Variants in TUT7 observed in about 807,000 individuals in gnomAD.
TUT7 encodes the protein terminal uridylyl transferase 7, also known as terminal uridylyltransferase 7.
A neutral mutation model predicts 165.9 loss-of-function variants in TUT7; 33 were observed. The ratio of observed to expected loss-of-function variants is 0.20; its 90% CI spans 0.15 to 0.27. The LOEUF is 0.27. Among genes scored for constraint, TUT7 ranks in the 10% least tolerant of loss-of-function variants. The pLI, the probability that TUT7 is intolerant of heterozygous loss-of-function variation, is 1.00. For missense variants in TUT7, 1,338 were observed against 1,762.3 expected (o/e 0.76, Z 4.31); for synonymous variants, 552 against 608.1 (o/e 0.91, Z 1.36).
chr9:86,305,892 T>A (rs1383245819), intron 22 of TUT7, among the ~76,000 whole-genome samples: 1 of 152,184 alleles, frequency 6.6e-6, no homozygotes, highest in African/African-American at 2.4e-5. Flanking sequence ...TAGATAGCTG[T>A]ATATAGGATA....
intron 26 of TUT7, among the ~76,000 whole-genome samples, chr9:86,293,937 G>T (rs1197882213): frequency 1.3e-5 from 2 of 152,052 alleles, no homozygotes; most frequent in Non-Finnish European, 2.9e-5. Flanking sequence ...TAGAGATGGG[G>T]TTTCACCATG....
At position 86,315,585 on chromosome 9, in the gene TUT7, G is replaced by A. The variant is rs1194488339; in HGVS notation, c.3274+1634C>T. On this transcript the variant is annotated intron_variant, in intron 17 of 26. Transcript: ENST00000375963. ...AAACACAAAGTTAAAATCTAGCTCA[G>A]TACTAAAAAATTAATAGTCACGCTA... Among the ~76,000 whole-genome samples the A allele has an allele frequency of 2.6e-5, 4 of 152,254 alleles. 1 individual carries two copies. In the Middle Eastern group the frequency reaches 0.01, roughly 391 times the overall value.
intron 26 of TUT7, among the ~76,000 whole-genome samples, chr9:86,294,295 A>C (rs80039097): frequency 2.3e-5 from 3 of 128,774 alleles, no homozygotes; most frequent in African/African-American, 6.1e-5. Flanking sequence ...AAAAAAAAAA[A>C]CCCAGAGAAG....
intron 17 of TUT7, among the ~76,000 whole-genome samples, chr9:86,316,277 A>C (rs1587914746): frequency 6.6e-6 from 1 of 152,350 alleles, no homozygotes; most frequent in Non-Finnish European, 1.5e-5. Flanking sequence ...CTCTAGAATA[A>C]TTATCCAGTC....
At chr9:86,306,127 T>G (rs1827447305) in intron 22 of TUT7, among the ~76,000 whole-genome samples, 1 of 152,142 alleles carries the variant, frequency 6.6e-6, no homozygotes. Flanking sequence ...CTTCTATTTT[T>G]CACATCCCTA....
chr9:86,320,670 C>A (rs1402606661), intron 14 of TUT7, among the ~76,000 whole-genome samples: 1 of 152,026 alleles, frequency 6.6e-6, no homozygotes, highest in Non-Finnish European at 1.5e-5. Context: ...CAAAGAATGC[C>A]AGCTGGGAAA....
At chr9:86,298,524 T>G (rs574851754) in intron 26 of TUT7, among the ~76,000 whole-genome samples, 1 of 152,306 alleles carries the variant, frequency 6.6e-6, no homozygotes, top group Non-Finnish European at 1.5e-5. Context: ...TTGCCACTCA[T>G]GGGTGGTATA....
At chr9:86,297,470 C>A (rs1237123481) in intron 26 of TUT7, among the ~76,000 whole-genome samples, 2 of 152,194 alleles carry the variant, frequency 1.3e-5, no homozygotes, top group East Asian at 3.8e-4. Context: ...AAAATGAACA[C>A]CTTGGCTACG....
intron 21 of TUT7, 138 bp from the exon 22 acceptor site, chr9:86,308,744 T>G: frequency 1.4e-6 from 1 of 692,558 alleles, no homozygotes; most frequent in Non-Finnish European, 2.3e-6. Flanking sequence ...CTTTCATATT[T>G]AAAAACATAA....
intron 10 of TUT7, among the ~76,000 whole-genome samples, chr9:86,334,392 T>A (rs1050514411): frequency 1.3e-5 from 2 of 152,068 alleles, no homozygotes; most frequent in African/African-American, 4.8e-5. Context: ...ATGGGAGAAA[T>A]TTTTAACCCT....
chr9:86,353,201 GT>G lies in TUT7; in HGVS notation c.-3del. On this transcript the variant is annotated 5_prime_UTR_variant, in exon 2 of 27. Transcript: ENST00000375963. ...ATAAGGTTTTGCTGTATCTCCCATG[GT>G]CTTTGACTTCAATTTTCTTACTTTG... The G allele has an allele frequency of 2.6e-6, 4 of 1,552,202 alleles. No homozygotes were observed. In the South Asian group the frequency reaches 4.9e-5, roughly 19 times the overall value.
rs778736515 is a variant in TUT7, at chr9:86,340,013, TA to T, written c.1208+22del. 6 of 1,600,646 alleles carry T rather than the reference TA, an allele frequency of 3.7e-6. No individual in the cohort carries two copies. In the East Asian group the frequency reaches 6.7e-5, roughly 18 times the overall value. On this transcript the variant is annotated intron_variant, in intron 8 of 26. Transcript: ENST00000375963. ...TTTTGGCAAGTTGAGAGTTAGTAAA[TA>T]AACAGTTTAAAGAAATGAGACCTTT...
intron 11 of TUT7, 75 bp from the exon 12 acceptor site, chr9:86,325,589 C>A: frequency 7.1e-7 from 1 of 1,403,290 alleles, no homozygotes; most frequent in Non-Finnish European, 9.7e-7. Context: ...ATCATTTAAG[C>A]ATCAAATTAA....
At chr9:86,345,562 G>T in intron 4 of TUT7, 107 bp downstream of exon 4, 1 of 778,818 alleles carries the variant, frequency 1.3e-6, no homozygotes, top group Non-Finnish European at 2.1e-6. Flanking sequence ...AATAAATAAA[G>T]CAGTAAAGTT....
intron 2 of TUT7, among the ~76,000 whole-genome samples, chr9:86,346,800 G>C (rs117980671): frequency 6.6e-6 from 1 of 151,986 alleles, no homozygotes; most frequent in East Asian, 1.9e-4. Context: ...ATACTCTGAA[G>C]GCAAGTATAT....
Position 86,319,029 on chromosome 9 carries a change from T to C in TUT7, c.3145A>G (p.Lys1049Glu). The C allele has an allele frequency of 6.2e-7, 1 of 1,613,994 alleles. No individual in the cohort carries two copies. Among genetic ancestry groups the C allele is most frequent in the Non-Finnish European group, 8.5e-7 (1 of 1,179,932 alleles). The change falls in exon 16 of 27, where the codon AAA (lysine) becomes GAA (glutamate). Residue 1049 changes from lysine (K) to glutamate (E), a missense_variant. By Grantham distance (56) the Lys-to-Glu change is moderately conservative (BLOSUM62 1). Around this residue, in one of 7 missense-constraint regions of TUT7, gnomAD observed 157 missense variants for 357.5 expected, o/e 0.44. Transcript: ENST00000375963. ...GTKLSLFGSS[K>E]NGFGFKQSDL... is the part of the protein sequence containing the mutation. ...CTCTGTTTGAACCCAAATCCATTTT[T>C]GGAGGAGCCAAACAGGCTCAATTTA...
chr9:86,322,232 T>C lies in TUT7; in HGVS notation c.3028+93A>G, dbSNP rs184083569. 2.7e-3 allele frequency: 3,188 copies of C among 1,184,504 alleles called. 5 individuals are homozygous for C. The highest frequency in any genetic ancestry group is 3.1e-3 in the Non-Finnish European group (2,545 of 829,772). The allele number at this position is 1,184,504 out of a possible 1,614,324, so 73.4% of individuals were successfully genotyped here. A position where few individuals can be genotyped will look rare whatever the true frequency, so the allele number is the denominator to read the frequency against. The stretch of plus-strand genomic sequence containing the variant: ...ATGGAATAGACTTGGTCCCTAATAA[T>C]GTTTAGAGACCTAAATAGGATAGTG... On this transcript the variant is annotated intron_variant, in intron 14 of 26. Transcript: ENST00000375963.
chr9:86,290,351 TA>T (rs1389911209), intron 26 of TUT7, among the ~76,000 whole-genome samples: 1 of 152,130 alleles, frequency 6.6e-6, no homozygotes, highest in African/African-American at 2.4e-5. Flanking sequence ...AAACATTCCC[TA>T]AACACATACT....
At chr9:86,344,864 A>T in intron 5 of TUT7, 113 bp downstream of exon 5, 1 of 1,070,560 alleles carries the variant, frequency 9.3e-7, no homozygotes, top group Non-Finnish European at 1.3e-6. Context: ...TAGAAAACAC[A>T]AGAGCTTCAT....
Sources: allele counts gnomAD v4.1 joint callset (sites outside exome capture counted in the v4.1 genomes callset), GRCh38; gene constraint gnomAD v4.1.1; regional missense constraint gnomAD v4.1.1; transcripts MANE v1.5; gene names NCBI Gene and HGNC (gene_info 2026-07-23, HGNC 2026-07-21).